Variants in IQCM observed in about 807,000 individuals in gnomAD.
IQCM encodes the protein IQ motif containing M.
Under a neutral mutation model 57.6 loss-of-function variants are expected in IQCM, and 45 were observed. The ratio of observed to expected loss-of-function variants is 0.78; its 90% CI spans 0.62 to 1.00. IQCM has a LOEUF of 1.00. IQCM is among the 50% of genes least tolerant of loss of function. IQCM has a pLI of 0.00. For missense variants in IQCM, 468 were observed against 511.6 expected (o/e 0.91, Z 0.82); for synonymous variants, 148 against 158.9 (o/e 0.93, Z 0.51).
At chr4:149,640,997 T>G (rs1473116871) in intron 7 of IQCM, among the ~76,000 whole-genome samples, 1 of 151,966 alleles carries the variant, frequency 6.6e-6, no homozygotes, top group Non-Finnish European at 1.5e-5. Context: ...GAGCGTGGTG[T>G]TGCACACCTG....
intron 12 of IQCM, among the ~76,000 whole-genome samples, chr4:149,459,342 T>G (rs1738031446): frequency 6.6e-6 from 1 of 152,228 alleles, no homozygotes. Flanking sequence ...TCACTAAATG[T>G]TGGCTGTTGA....
chr4:149,400,559 T>C (rs1732548071), intron 13 of IQCM, among the ~76,000 whole-genome samples: 1 of 152,044 alleles, frequency 6.6e-6, no homozygotes, highest in Non-Finnish European at 1.5e-5. Flanking sequence ...AATGTTTTTG[T>C]TTTAAATTCA....
intron 12 of IQCM, among the ~76,000 whole-genome samples, chr4:149,523,180 A>G (rs1290183485): frequency 6.6e-6 from 1 of 152,148 alleles, no homozygotes; most frequent in Non-Finnish European, 1.5e-5. Context: ...CTCTTCTTAT[A>G]AAAGCACTAA....
intron 9 of IQCM, among the ~76,000 whole-genome samples, chr4:149,580,460 A>G (rs1353128986): frequency 6.6e-6 from 1 of 151,862 alleles, no homozygotes; most frequent in African/African-American, 2.4e-5. Context: ...AGAATAATTC[A>G]TGTCATGCTA....
At chr4:149,815,406 A>T (rs141792571) in intron 1 of IQCM, 58 bp from the exon 2 acceptor site, 3 of 151,984 alleles carry the variant, frequency 2.0e-5, no homozygotes, top group Non-Finnish European at 4.4e-5. Context: ...AACAAAAAAC[A>T]TTGTCAACCA....
At chr4:149,656,626 T>G (rs1002162494) in intron 7 of IQCM, among the ~76,000 whole-genome samples, 2 of 152,150 alleles carry the variant, frequency 1.3e-5, no homozygotes, top group African/African-American at 4.8e-5. Context: ...TTCCTTTCCT[T>G]ACTTCCTTCA....
chr4:149,601,784 C>A (rs181944263), intron 8 of IQCM, among the ~76,000 whole-genome samples: 51 of 152,122 alleles, frequency 3.4e-4, no homozygotes, highest in Admixed American at 2.6e-4. Context: ...TATGGCCTGG[C>A]GCGGTGGCTC....
chr4:149,448,734 T>A (rs1055051056), intron 12 of IQCM, among the ~76,000 whole-genome samples: 1 of 151,768 alleles, frequency 6.6e-6, no homozygotes. Flanking sequence ...ACAACTTTGA[T>A]AAAATTGACA....
chr4:149,460,634 A>C (rs1331272064), intron 12 of IQCM, among the ~76,000 whole-genome samples: 2 of 152,156 alleles, frequency 1.3e-5, no homozygotes, highest in African/African-American at 4.8e-5. Flanking sequence ...TAATATTTTG[A>C]AAGAAGAAAG....
chr4:149,602,796 C>A (rs911579731), intron 8 of IQCM, among the ~76,000 whole-genome samples: 2 of 151,926 alleles, frequency 1.3e-5, no homozygotes, highest in African/African-American at 4.8e-5. Context: ...ATATGATTAT[C>A]TATTTTTTGT....
intron 7 of IQCM, among the ~76,000 whole-genome samples, chr4:149,675,314 G>A (rs1761656058): frequency 1.3e-5 from 2 of 151,894 alleles, no homozygotes. Context: ...AGCATGCTAG[G>A]GAAGACAAAG....
At chr4:149,709,948 G>T (rs1386816937) in intron 5 of IQCM, among the ~76,000 whole-genome samples, 1 of 152,098 alleles carries the variant, frequency 6.6e-6, no homozygotes, top group East Asian at 1.9e-4. Flanking sequence ...AGTAAAGCTT[G>T]CAGGCCAACC....
intron 13 of IQCM, among the ~76,000 whole-genome samples, chr4:149,416,808 TA>T (rs1233558899): frequency 5.9e-5 from 9 of 152,162 alleles, no homozygotes; most frequent in Non-Finnish European, 8.8e-5. Flanking sequence ...GGAAGATTAT[TA>T]GACTTTAAAT....
intron 3 of IQCM, among the ~76,000 whole-genome samples, chr4:149,741,230 C>T (rs1767426641): frequency 6.6e-6 from 1 of 152,124 alleles, no homozygotes; most frequent in African/African-American, 2.4e-5. Flanking sequence ...CTCTTACTGA[C>T]TTACTTTCCC....
chr4:149,519,048 T>C (rs919198826), intron 12 of IQCM, among the ~76,000 whole-genome samples: 5 of 152,240 alleles, frequency 3.3e-5, no homozygotes, highest in Non-Finnish European at 4.4e-5. Flanking sequence ...AATCCCATGG[T>C]CTGGTTTCTT....
chr4:149,476,840 A>C (rs1740254917), intron 12 of IQCM, among the ~76,000 whole-genome samples: 1 of 152,178 alleles, frequency 6.6e-6, no homozygotes, highest in Admixed American at 6.5e-5. Flanking sequence ...TCTCCATCTC[A>C]GATCAGTGGC....
chr4:149,711,531 G>A (rs1176211246), intron 5 of IQCM, among the ~76,000 whole-genome samples: 1 of 152,150 alleles, frequency 6.6e-6, no homozygotes, highest in African/African-American at 2.4e-5. Context: ...TGATAAGTAG[G>A]AGATACTCAA....
At chr4:149,704,307 ATATGAT>A (rs1763992496) in intron 5 of IQCM, among the ~76,000 whole-genome samples, 1 of 151,876 alleles carries the variant, frequency 6.6e-6, no homozygotes, top group Non-Finnish European at 1.5e-5. Flanking sequence ...AACACTCCCC[ATATGAT>A]ACCAATGGGT....
chr4:149,705,337 G>T (rs1420618990), intron 5 of IQCM, among the ~76,000 whole-genome samples: 1 of 150,552 alleles, frequency 6.6e-6, no homozygotes, highest in Non-Finnish European at 1.5e-5. Context: ...ACAACTATTA[G>T]AGTAGGGCTG....
Sources: gnomAD v4.1 joint callset for allele counts (sites outside exome capture counted in the v4.1 genomes callset) on GRCh38, gnomAD v4.1.1 for gene constraint, MANE v1.5 for transcripts, NCBI Gene and HGNC (gene_info 2026-07-23, HGNC 2026-07-21) for gene names.